The following IGF1R variants were observed in gnomAD, a reference collection of about 807,000 sequenced individuals.
The protein encoded by IGF1R is insulin like growth factor 1 receptor.
A neutral mutation model predicts 144.6 loss-of-function variants in IGF1R; 44 were observed. The ratio of observed to expected loss-of-function variants is 0.30; its 90% CI spans 0.24 to 0.39. The LOEUF (loss-of-function observed/expected upper bound fraction) is 0.39, where lower values mean the gene tolerates loss of function less well. Among genes scored for constraint, IGF1R ranks in the 10% least tolerant of loss-of-function variants. The pLI is 1.00. For synonymous variants in IGF1R, 795 were observed against 722.8 expected, an observed-to-expected ratio of 1.10 and a Z score of -1.60; for missense variants, 1,355 against 1,833.7, an observed-to-expected ratio of 0.74 and a Z score of 4.77.
chr15:98,910,875 G>T (rs1445610665), intron 6 of IGF1R, among the ~76,000 whole-genome samples: 1 of 152,206 alleles, frequency 6.6e-6, no homozygotes, highest in Non-Finnish European at 1.5e-5. Flanking sequence ...GGTTGTACAC[G>T]AACAGGCAGA....
chr15:98,766,655 T>A (rs1263536295), intron 2 of IGF1R, among the ~76,000 whole-genome samples: 4 of 152,190 alleles, frequency 2.6e-5, no homozygotes, highest in Non-Finnish European at 5.9e-5. Context: ...GGTCCCTTTT[T>A]AGTCCTTTTG....
chr15:98,710,056 C>T (rs1271242693), intron 2 of IGF1R, among the ~76,000 whole-genome samples: 1 of 152,128 alleles, frequency 6.6e-6, no homozygotes, highest in African/African-American at 2.4e-5. Context: ...GGGGTAAAGC[C>T]TGCCTTCCTC....
intron 1 of IGF1R, among the ~76,000 whole-genome samples, chr15:98,663,613 G>T (rs1173999458): frequency 6.6e-6 from 1 of 152,180 alleles, no homozygotes; most frequent in East Asian, 1.9e-4. Context: ...TTCGTTTGCT[G>T]GGGCACTGCT....
intron 6 of IGF1R, among the ~76,000 whole-genome samples, chr15:98,910,499 G>A (rs1261491202): frequency 6.6e-6 from 1 of 152,238 alleles, no homozygotes; most frequent in African/African-American, 2.4e-5. Context: ...TCTTGAGTGT[G>A]TAGTGGGATT....
intron 1 of IGF1R, among the ~76,000 whole-genome samples, chr15:98,705,215 CAG>C (rs1376404825): frequency 1.3e-5 from 2 of 152,134 alleles, no homozygotes; most frequent in Non-Finnish European, 2.9e-5. Flanking sequence ...AGTGTGGAAT[CAG>C]GGAAGCCGAG....
At chr15:98,773,561 C>T (rs144492489) in intron 2 of IGF1R, among the ~76,000 whole-genome samples, 143 of 152,238 alleles carry the variant, frequency 9.4e-4, no homozygotes, top group African/African-American at 3.2e-3. Context: ...GCTCACAGCG[C>T]CCAGATTTTG....
chr15:98,956,118 G>A (rs1010532407), intron 20 of IGF1R, among the ~76,000 whole-genome samples: 1 of 152,238 alleles, frequency 6.6e-6, no homozygotes, highest in East Asian at 1.9e-4. Flanking sequence ...TCCTGGGTCA[G>A]GGCAGCCGGC....
chr15:98,877,454 G>A (rs2141620159), intron 2 of IGF1R, among the ~76,000 whole-genome samples: 1 of 146,780 alleles, frequency 6.8e-6, no homozygotes, highest in Non-Finnish European at 1.5e-5. Flanking sequence ...TTCTGCTTCT[G>A]GCATTGGGAA....
chr15:98,916,949 C>G, intron 10 of IGF1R, 73 bp downstream of exon 10: 1 of 1,313,944 alleles, frequency 7.6e-7, no homozygotes. Context: ...TTCTCCCCAC[C>G]AGGTAGTGTG....
intron 13 of IGF1R, among the ~76,000 whole-genome samples, chr15:98,928,270 G>C (rs967632077): frequency 6.6e-6 from 1 of 152,166 alleles, no homozygotes; most frequent in Admixed American, 6.5e-5. Context: ...CTGTGAGTCT[G>C]CCTGGTGTAA....
At chr15:98,729,378 C>T (rs552974240) in intron 2 of IGF1R, among the ~76,000 whole-genome samples, 21 of 152,246 alleles carry the variant, frequency 1.4e-4, no homozygotes, top group African/African-American at 4.3e-4. Flanking sequence ...GGAAAGGAAC[C>T]GGAAGTGCTT....
At position 98,905,147 on chromosome 15, in the gene IGF1R, TG is replaced by T. The variant is rs201987353; in HGVS notation, c.1248-3534del. The stretch of plus-strand genomic sequence containing the variant: ...GATGGAGTGCTCTGAACCGTGTACC[TG>T]GGGCTGTCTTCACCACTCAAATATC... On this transcript the variant is annotated intron_variant, in intron 5 of 20. Coordinates refer to ENST00000650285, the MANE Select transcript of IGF1R (RefSeq NM_000875.5). Among the ~76,000 whole-genome samples the T allele has an allele frequency of 1.4e-4, 22 of 152,308 alleles. No individual in the cohort carries two copies. The East Asian group carries it at 4.1e-3, about 28-fold the overall frequency.
intron 2 of IGF1R, among the ~76,000 whole-genome samples, chr15:98,754,186 G>A (rs1044236222): frequency 4.6e-5 from 7 of 152,054 alleles, no homozygotes; most frequent in Admixed American, 2.0e-4. Context: ...TTTCCCTTTC[G>A]TTTTTCTTTT....
At chr15:98,956,845 G>A (rs3743253) in intron 20 of IGF1R, among the ~76,000 whole-genome samples, 25,619 of 152,180 alleles carry the variant, frequency 0.17, 2,345 homozygotes, top group Non-Finnish European at 0.21. Flanking sequence ...CTGGGTTCTG[G>A]GGGAAGAGAA....
chr15:98,700,698 C>T (rs901578710), intron 1 of IGF1R, among the ~76,000 whole-genome samples: 5 of 152,212 alleles, frequency 3.3e-5, no homozygotes, highest in African/African-American at 1.2e-4. Context: ...GGGCTGCACC[C>T]CTGGGATTCC....
At chr15:98,781,541 C>G (rs1253110597) in intron 2 of IGF1R, among the ~76,000 whole-genome samples, 2 of 152,082 alleles carry the variant, frequency 1.3e-5, no homozygotes, top group Admixed American at 6.6e-5. Flanking sequence ...ATTTATTTAC[C>G]TGAGCTTTTT....
chr15:98,813,985 G>T lies in IGF1R; in HGVS notation c.641-77340G>T, dbSNP rs533641529. Among the ~76,000 whole-genome samples, 6 of 152,284 alleles carry T rather than the reference G, an allele frequency of 3.9e-5. No individual in the cohort carries two copies. In the South Asian group the frequency reaches 1.2e-3, roughly 32 times the overall value. On this transcript the variant is annotated intron_variant, in intron 2 of 20. Coordinates refer to ENST00000650285, the MANE Select transcript of IGF1R (RefSeq NM_000875.5). ...GAGATGAGGTCCGGAATAGGTTCTGGCCTACCTCAGTTCATGTTTTTTACT... is the reference window on the plus strand; with the variant it reads ...GAGATGAGGTCCGGAATAGGTTCTGTCCTACCTCAGTTCATGTTTTTTACT...
chr15:98,765,325 T>C (rs1483152261), intron 2 of IGF1R, among the ~76,000 whole-genome samples: 12 of 140,252 alleles, frequency 8.6e-5, no homozygotes, highest in African/African-American at 3.0e-4. Flanking sequence ...TTTTTTTTTT[T>C]TTTTTTTTTT....
At chr15:98,672,124 G>T (rs1453256994) in intron 1 of IGF1R, among the ~76,000 whole-genome samples, 1 of 152,140 alleles carries the variant, frequency 6.6e-6, no homozygotes, top group African/African-American at 2.4e-5. Context: ...ATTTTTAAAG[G>T]ACATATTTGG....
Sources: allele counts gnomAD v4.1 joint callset (sites outside exome capture counted in the v4.1 genomes callset), GRCh38; gene constraint gnomAD v4.1.1; transcripts MANE v1.5; gene names NCBI Gene and HGNC (gene_info 2026-07-23, HGNC 2026-07-21).